RBFOX1: variants seen among roughly 807,000 people sequenced by gnomAD.
RBFOX1 encodes the protein RNA binding fox-1 homolog 1, also known as RNA binding protein fox-1 homolog 1.
In RBFOX1, 8 loss-of-function variants were observed where a neutral mutation model predicts 57.7. The observed-to-expected ratio is 0.14, with a 90% CI of 0.08 to 0.25. The LOEUF (loss-of-function observed/expected upper bound fraction) is 0.25. Ranked by LOEUF, RBFOX1 falls within the 10% of genes least tolerant of loss-of-function variation. RBFOX1 has a pLI of 1.00. For missense variants in RBFOX1, 611 were observed against 548.5 expected (o/e 1.11, Z -1.14); for synonymous variants, 326 against 222.4 (o/e 1.47, Z -4.15).
At chr16:5,474,651 T>C (rs1355562531) in intron 2 of RBFOX1, among the ~76,000 whole-genome samples, 1 of 149,564 alleles carries the variant, frequency 6.7e-6, no homozygotes, top group East Asian at 1.9e-4. Flanking sequence ...CGAGACTTCG[T>C]CTCAAAAAAA....
At chr16:5,353,736 A>AAAAC (rs3084419) in intron 1 of RBFOX1, among the ~76,000 whole-genome samples, 119,094 of 148,582 alleles carry the variant, frequency 0.8, 52,737 homozygotes, top group East Asian at 1. Context: ...GAAAAAAAAA[A>AAAAC]AAACCTCGCC....
chr16:5,378,164 C>T (rs1000899242), intron 1 of RBFOX1, among the ~76,000 whole-genome samples: 1 of 151,476 alleles, frequency 6.6e-6, no homozygotes, highest in African/African-American at 2.5e-5. Flanking sequence ...AAGGTGTGTG[C>T]GTTTTCTGGA....
At chr16:7,309,085 C>T (rs1396342717) in intron 4 of RBFOX1, among the ~76,000 whole-genome samples, 1 of 152,320 alleles carries the variant, frequency 6.6e-6, no homozygotes, top group East Asian at 1.9e-4. Context: ...ATTTAAGTGG[C>T]TGGAATGAGC....
At chr16:7,213,145 G>A (rs1311809754) in intron 4 of RBFOX1, among the ~76,000 whole-genome samples, 4 of 152,080 alleles carry the variant, frequency 2.6e-5, no homozygotes, top group African/African-American at 7.2e-5. Context: ...CCTGAAGCCC[G>A]AACTCCCTAA....
intron 1 of RBFOX1, among the ~76,000 whole-genome samples, chr16:5,391,524 C>T (rs553497332): frequency 3.7e-4 from 57 of 152,114 alleles, no homozygotes; most frequent in Non-Finnish European, 7.1e-4. Context: ...ATTTTAAGGT[C>T]AGCAGCCTTT....
chr16:5,835,608 C>G (rs1334050539), intron 3 of RBFOX1, among the ~76,000 whole-genome samples: 1 of 152,222 alleles, frequency 6.6e-6, no homozygotes, highest in African/African-American at 2.4e-5. Flanking sequence ...CTCCCCCAAC[C>G]TCCCCACAGG....
chr16:7,628,444 G>A (rs1394063618), intron 10 of RBFOX1, among the ~76,000 whole-genome samples: 1 of 152,084 alleles, frequency 6.6e-6, no homozygotes, highest in South Asian at 2.1e-4. Context: ...ACTGTAGAGG[G>A]GACTAACTGT....
chr16:6,952,864 A>G (rs1050959900), intron 3 of RBFOX1, among the ~76,000 whole-genome samples: 3 of 151,910 alleles, frequency 2.0e-5, no homozygotes, highest in South Asian at 2.1e-4. Flanking sequence ...AATCCCAGCT[A>G]TTGGGGAGGC....
At chr16:7,555,457 G>A (rs1340133845) in intron 5 of RBFOX1, among the ~76,000 whole-genome samples, 1 of 152,168 alleles carries the variant, frequency 6.6e-6, no homozygotes, top group Admixed American at 6.6e-5. Flanking sequence ...AGGAAGCGGG[G>A]AAAAGGATAT....
chr16:6,677,084 C>A (rs1443476332), intron 3 of RBFOX1, among the ~76,000 whole-genome samples: 2 of 152,290 alleles, frequency 1.3e-5, no homozygotes, highest in Middle Eastern at 3.4e-3. Context: ...AACTGCTTTA[C>A]AAGCATGATT....
chr16:6,893,768 C>G (rs112341560), intron 3 of RBFOX1, among the ~76,000 whole-genome samples: 3 of 152,160 alleles, frequency 2.0e-5, no homozygotes, highest in Admixed American at 6.5e-5. Flanking sequence ...ACACATGTAT[C>G]ATCTGGTGAG....
chr16:5,443,945 G>T lies in RBFOX1; in HGVS notation c.220-23271G>T, dbSNP rs2068163783. Reference sequence around the variant, plus strand: ...CTTGAGGAGCTAAGCAGTATGAGAGGAAGTGTCAGGCATGTCAACCATCGG... The same window carrying T: ...CTTGAGGAGCTAAGCAGTATGAGAGTAAGTGTCAGGCATGTCAACCATCGG... On this transcript the variant is annotated intron_variant, in intron 1 of 2. Transcript: ENST00000585867. Among the ~76,000 whole-genome samples, 3 of 152,136 alleles carry T rather than the reference G, an allele frequency of 2.0e-5. No homozygotes were observed. In the South Asian group the frequency reaches 6.2e-4, roughly 31 times the overall value.
chr16:5,954,311 C>A (rs1239870316), intron 4 of RBFOX1, among the ~76,000 whole-genome samples: 1 of 152,038 alleles, frequency 6.6e-6, no homozygotes, highest in Non-Finnish European at 1.5e-5. Context: ...AGGTGAGCAT[C>A]CTCCTGTCTA....
intron 1 of RBFOX1, among the ~76,000 whole-genome samples, chr16:5,277,284 A>G (rs1211539080): frequency 6.6e-6 from 1 of 151,694 alleles, no homozygotes; most frequent in East Asian, 1.9e-4. Context: ...AGAATGAAAC[A>G]GTGGACTTTG....
chr16:7,241,622 GAAA>G (rs536159415), intron 4 of RBFOX1, among the ~76,000 whole-genome samples: 1 of 151,888 alleles, frequency 6.6e-6, no homozygotes, highest in Non-Finnish European at 1.5e-5. Flanking sequence ...TTATAATAAA[GAAA>G]AAACATTTCT....
downstream of RBFOX1, among the ~76,000 whole-genome samples, chr16:5,604,476 C>T (rs1489494119): frequency 6.6e-6 from 1 of 152,182 alleles, no homozygotes; most frequent in African/African-American, 2.4e-5. Flanking sequence ...GGTTCCCTGC[C>T]ACATGGCCCT....
chr16:6,173,398 C>A lies in RBFOX1; in HGVS notation c.-126-143597C>A, dbSNP rs75509630. On this transcript the variant is annotated intron_variant, in intron 1 of 15. Coordinates refer to ENST00000550418, the MANE Select transcript of RBFOX1 (RefSeq NM_018723.4). ...ATGGGTGAGACCTTGGTTAGTGTTA[C>A]GTGTTATTTGCAGTCATATGCATCA... 2.0e-3 allele frequency among the ~76,000 whole-genome samples: 310 copies of A among 152,202 alleles called. 12 individuals carry two copies. In the East Asian group the frequency reaches 0.057, roughly 28 times the overall value.
At chr16:6,661,805 T>G (rs1431629891) in intron 3 of RBFOX1, among the ~76,000 whole-genome samples, 2 of 152,342 alleles carry the variant, frequency 1.3e-5, no homozygotes, top group South Asian at 2.1e-4. Context: ...AATGTTGATT[T>G]AGCGGCGGGA....
intron 2 of RBFOX1, among the ~76,000 whole-genome samples, chr16:6,566,736 A>G (rs549815590): frequency 2.6e-5 from 4 of 152,124 alleles, no homozygotes; most frequent in South Asian, 2.1e-4. Context: ...ACTCTCATCT[A>G]TATGAGAAAC....
Sources: allele counts gnomAD v4.1 joint callset (sites outside exome capture counted in the v4.1 genomes callset), GRCh38; gene constraint gnomAD v4.1.1; transcripts MANE v1.5; gene names NCBI Gene and HGNC (gene_info 2026-07-23, HGNC 2026-07-21).